The following TLE4 variants were observed in gnomAD, a reference collection of about 807,000 sequenced individuals.
TLE4 encodes transducin-like enhancer protein 4.
A neutral mutation model predicts 92.8 loss-of-function variants in TLE4; 8 were observed. The observed-to-expected ratio is 0.09, with a 90% CI of 0.05 to 0.16. TLE4 has a LOEUF of 0.16. Among genes scored for constraint, TLE4 ranks in the 10% least tolerant of loss-of-function variants. TLE4 has a pLI of 1.00. For synonymous variants in TLE4, 371 were observed against 374.1 expected (o/e 0.99, Z 0.10); for missense variants, 675 against 997.6 (o/e 0.68, Z 4.36).
intron 4 of TLE4, chr9:79,576,816 A>C (rs2037940884): frequency 6.6e-6 from 1 of 152,052 alleles, no homozygotes; most frequent in African/African-American, 2.4e-5. Flanking sequence ...CAAAAAAAAA[A>C]AAAAATGATT....
At chr9:79,678,885 C>G (rs189748844) in intron 8 of TLE4, among the ~76,000 whole-genome samples, 54 of 151,200 alleles carry the variant, frequency 3.6e-4, no homozygotes, top group African/African-American at 1.2e-3. Context: ...GGTTTTTTCT[C>G]CTTGTGATAG....
At chr9:79,678,910 T>C (rs1465635459) in intron 8 of TLE4, among the ~76,000 whole-genome samples, 1 of 152,166 alleles carries the variant, frequency 6.6e-6, no homozygotes, top group Admixed American at 6.5e-5. Flanking sequence ...CTGAGAATGA[T>C]GATTTCCAGT....
In TLE4 at chr9:79,652,742, C is replaced by T. The variant is rs530542064; in HGVS notation, c.540C>T (p.Ser180=). ...LALSSALGGQ[S]HLPIKDEKKH... ...TCTCCAGTGCTCTAGGAGGTCAGTC[C>T]CATCTTCCAATTAAAGATGAGAAGA... Residue 180 remains serine (S), a synonymous_variant, in exon 7 of 20, where the codon TCC becomes TCT. Coordinates refer to ENST00000376552, the MANE Select transcript of TLE4 (RefSeq NM_007005.6). 1.2e-6 allele frequency: 2 copies of T among 1,614,102 alleles called. No individual in the cohort carries two copies. Among genetic ancestry groups the T allele is most frequent in the Non-Finnish European group, 1.7e-6 (2 of 1,180,020 alleles).
chr9:79,573,263 G>A (rs1489294439), intron 1 of TLE4: 2 of 1,022,040 alleles, frequency 2.0e-6, no homozygotes, highest in African/African-American at 1.7e-5. Flanking sequence ...GGGGCGAGCG[G>A]GCGAACGAAC....
Position 79,720,139 on chromosome 9 carries a change from C to T in TLE4, c.1684C>T (p.Leu562=). 6.2e-7 allele frequency: 1 copy of T among 1,614,146 alleles called. No homozygotes were observed. Among genetic ancestry groups the T allele is most frequent in the Non-Finnish European group, 8.5e-7 (1 of 1,180,032 alleles). ...GEASTLSIWD[L]AAPTPRIKAE... ...AGCCAGTACTTTGTCCATTTGGGAC[C>T]TGGCGGCTCCAACCCCACGCATCAA... Residue 562 remains leucine (L), a synonymous_variant, in exon 16 of 20, where the codon CTG becomes TTG. Transcript: ENST00000376552.
chr9:79,648,947 A>T (rs2058507302), intron 6 of TLE4, among the ~76,000 whole-genome samples: 1 of 152,178 alleles, frequency 6.6e-6, no homozygotes, highest in Admixed American at 6.5e-5. Flanking sequence ...GCTAAAGGAG[A>T]AAAAATCAAG....
At chr9:79,642,495 G>A (rs574480115) in intron 6 of TLE4, among the ~76,000 whole-genome samples, 1 of 151,820 alleles carries the variant, frequency 6.6e-6, no homozygotes, top group South Asian at 2.1e-4. Flanking sequence ...CCCTTAGCTT[G>A]GTGACTTTAA....
intron 8 of TLE4, 59 bp from the exon 9 acceptor site, chr9:79,704,724 A>G (rs1189143062): frequency 8.3e-6 from 13 of 1,567,366 alleles, no homozygotes; most frequent in African/African-American, 6.9e-5. Flanking sequence ...TGACTTAAAA[A>G]TCACTCGGCT....
At chr9:79,689,117 A>C (rs1278880422) in intron 8 of TLE4, among the ~76,000 whole-genome samples, 3 of 152,074 alleles carry the variant, frequency 2.0e-5, no homozygotes, top group Admixed American at 2.0e-4. Flanking sequence ...CCACTTCTCT[A>C]ATTTCTGATA....
At chr9:79,666,185 GT>G in intron 8 of TLE4, among the ~76,000 whole-genome samples, 1 of 147,886 alleles carries the variant, frequency 6.8e-6, no homozygotes, top group Non-Finnish European at 1.5e-5. Flanking sequence ...GTGTGTGTGT[GT>G]GTGTGTGTGT....
At chr9:79,680,954 G>A (rs1357985322) in intron 8 of TLE4, among the ~76,000 whole-genome samples, 1 of 152,060 alleles carries the variant, frequency 6.6e-6, no homozygotes, top group African/African-American at 2.4e-5. Flanking sequence ...TGTTGAACCA[G>A]CCTTGCATCC....
At chr9:79,661,505 A>AG (rs2060529606) in intron 8 of TLE4, among the ~76,000 whole-genome samples, 1 of 152,234 alleles carries the variant, frequency 6.6e-6, no homozygotes, top group South Asian at 2.1e-4. Context: ...GCCTTGTGAA[A>AG]GGGTTGAAGA....
rs375560134 is a variant in TLE4 at position 79,718,803 on chromosome 9, C to G, written c.1422C>G (p.Ile474Met). 1 of 1,613,910 alleles carries G rather than the reference C, an allele frequency of 6.2e-7. No homozygotes were observed. The highest frequency in any genetic ancestry group is 1.3e-5 in the African/African-American group (1 of 74,854). The change falls in exon 15 of 20, where the codon ATC becomes ATG. Residue 474 changes from isoleucine to methionine, a missense_variant. This residue lies in a region of TLE4 where 119 missense variants were observed against 175.9 expected (regional missense o/e 0.68). Transcript: ENST00000376552. ...FPPDALIGPG[I>M]PRHARQINTL... is the part of the protein sequence containing the mutation. ...CCGACGCCCTCATCGGACCTGGAATCCCCCGGCATGCTCGCCAGATCAACA... is the reference window on the plus strand; with the variant it reads ...CCGACGCCCTCATCGGACCTGGAATGCCCCGGCATGCTCGCCAGATCAACA...
At chr9:79,643,314 A>G (rs561942364) in intron 6 of TLE4, among the ~76,000 whole-genome samples, 7 of 152,302 alleles carry the variant, frequency 4.6e-5, no homozygotes, top group African/African-American at 1.4e-4. Flanking sequence ...TTCACCCCCT[A>G]ATATTTCAGT....
intron 8 of TLE4, among the ~76,000 whole-genome samples, chr9:79,667,884 G>T (rs1402325122): frequency 1.3e-5 from 2 of 152,226 alleles, no homozygotes; most frequent in Non-Finnish European, 2.9e-5. Flanking sequence ...CTCGGGTCAT[G>T]ATTTCTCTTT....
intron 6 of TLE4, among the ~76,000 whole-genome samples, chr9:79,652,340 C>G (rs535327259): frequency 6.6e-6 from 1 of 152,260 alleles, no homozygotes; most frequent in Non-Finnish European, 1.5e-5. Context: ...GCACCAGCCA[C>G]CACACCCGGC....
intron 8 of TLE4, among the ~76,000 whole-genome samples, chr9:79,675,792 T>C (rs2063156489): frequency 6.6e-6 from 1 of 152,202 alleles, no homozygotes. Context: ...CTTAGAATCT[T>C]ATACCAGTTA....
chr9:79,614,134 TTTTTACTTTAAGCAGCTCTGCTTTATG>T, intron 5 of TLE4, among the ~76,000 whole-genome samples: 1 of 152,268 alleles, frequency 6.6e-6, no homozygotes, highest in East Asian at 1.9e-4. Context: ...TAGTGTGTAT[TTTTTACTTTAAGCAGCTCTGCTTTATG>T]GAGATGGAGA....
chr9:79,598,049 G>A (rs1209837206), intron 4 of TLE4, among the ~76,000 whole-genome samples: 15 of 145,890 alleles, frequency 1.0e-4, no homozygotes, highest in Admixed American at 9.0e-4. Context: ...TGGCTAACAC[G>A]GTGAAACCCT....
Sources: allele counts gnomAD v4.1 joint callset (sites outside exome capture counted in the v4.1 genomes callset), GRCh38; gene constraint gnomAD v4.1.1; regional missense constraint gnomAD v4.1.1; transcripts MANE v1.5; gene names NCBI Gene and HGNC (gene_info 2026-07-23, HGNC 2026-07-21).